KLRG1: variants seen among roughly 807,000 people sequenced by gnomAD.
KLRG1 encodes the protein killer cell lectin-like receptor subfamily G member 1.
KLRG1 carries 16 observed loss-of-function variants against 21.8 expected under a neutral mutation model. The ratio of observed to expected loss-of-function variants is 0.73; its 90% CI spans 0.50 to 1.11. The LOEUF is 1.11. KLRG1 is among the 50% of genes most tolerant of loss of function. The pLI is 0.00. For missense variants in KLRG1, 173 were observed against 218.3 expected (o/e 0.79, Z 1.31); for synonymous variants, 69 against 75.9 (o/e 0.91, Z 0.47).
the KLRG1 span, chr12:9,208,414 C>G: frequency 8.0e-7 from 1 of 1,257,174 alleles, no homozygotes; most frequent in African/African-American, 1.5e-5. Flanking sequence ...GCTGAGTTTA[C>G]CAGGCTTTAT....
the KLRG1 span, among the ~76,000 whole-genome samples, chr12:9,061,899 G>A: frequency 6.6e-6 from 1 of 152,114 alleles, no homozygotes; most frequent in African/African-American, 2.4e-5. Flanking sequence ...AGCTAGTGTT[G>A]GGACACGGAA....
At chr12:9,185,247 C>A in the KLRG1 span, among the ~76,000 whole-genome samples, 2 of 152,178 alleles carry the variant, frequency 1.3e-5, no homozygotes, top group South Asian at 4.2e-4. Flanking sequence ...ACCAACCTGA[C>A]AGAGCTGAAC....
At chr12:9,182,741 A>G in the KLRG1 span, among the ~76,000 whole-genome samples, 1 of 152,256 alleles carries the variant, frequency 6.6e-6, no homozygotes, top group Non-Finnish European at 1.5e-5. Flanking sequence ...ACAAAAGGGC[A>G]ACAACAAAAG....
chr12:9,189,600 G>A, the KLRG1 span, among the ~76,000 whole-genome samples: 1 of 152,152 alleles, frequency 6.6e-6, no homozygotes. Context: ...TCATGAAGAA[G>A]ACACTAAAAA....
At chr12:9,089,286 G>A in the KLRG1 span, 1 of 1,459,388 alleles carries the variant, frequency 6.9e-7, no homozygotes, top group Non-Finnish European at 9.5e-7. Flanking sequence ...AGTGAGAATG[G>A]ACTGACCTTC....
chr12:8,977,564 A>T (rs1260768648), intron 1 of KLRG1, among the ~76,000 whole-genome samples: 1 of 151,766 alleles, frequency 6.6e-6, no homozygotes, highest in South Asian at 2.1e-4. Flanking sequence ...TTGATTGGGG[A>T]TTTTATTTAC....
the KLRG1 span, among the ~76,000 whole-genome samples, chr12:9,212,437 T>G: frequency 6.6e-6 from 1 of 152,228 alleles, no homozygotes; most frequent in African/African-American, 2.4e-5. Flanking sequence ...ATTCACTGTA[T>G]AAGAAAGAAA....
At chr12:9,146,914 T>C in the KLRG1 span, among the ~76,000 whole-genome samples, 1 of 5,430 alleles carries the variant, frequency 1.8e-4, no homozygotes, top group Non-Finnish European at 6.7e-3. Context: ...GATGCAAAGA[T>C]CAACTCTTTT....
chr12:9,200,985 G>C, the KLRG1 span: 2 of 1,613,996 alleles, frequency 1.2e-6, no homozygotes. Context: ...TCTGATGAGA[G>C]GGGAAAGGAC....
At chr12:9,096,877 T>A in the KLRG1 span, among the ~76,000 whole-genome samples, 5 of 152,164 alleles carry the variant, frequency 3.3e-5, no homozygotes, top group African/African-American at 1.2e-4. Context: ...CACTGCTTGA[T>A]CTCTACTAGC....
At chr12:9,106,713 A>G in the KLRG1 span, 1 of 529,320 alleles carries the variant, frequency 1.9e-6, no homozygotes, top group Admixed American at 3.2e-5. Context: ...TCATGTAGGC[A>G]TTTTCTATGA....
the KLRG1 span, among the ~76,000 whole-genome samples, chr12:9,119,478 G>A: frequency 6.6e-6 from 1 of 152,192 alleles, no homozygotes; most frequent in Admixed American, 6.5e-5. Context: ...GTGCCGGTGT[G>A]GGGCAGAAGC....
chr12:9,194,270 G>T, the KLRG1 span: 1 of 1,605,852 alleles, frequency 6.2e-7, no homozygotes, highest in African/African-American at 1.3e-5. Flanking sequence ...TAGTTGATGT[G>T]AACAACACCC....
At chr12:9,201,496 AATT>A in the KLRG1 span, 2 of 597,392 alleles carry the variant, frequency 3.3e-6, no homozygotes, top group Admixed American at 3.0e-5. Flanking sequence ...ATCTCAGGGA[AATT>A]ATTAAATAGT....
the KLRG1 span, among the ~76,000 whole-genome samples, chr12:9,145,837 G>T: frequency 1.3e-5 from 2 of 152,120 alleles, no homozygotes; most frequent in African/African-American, 4.8e-5. Flanking sequence ...TAGCAGGTTT[G>T]TATTATTTTA....
upstream of KLRG1, among the ~76,000 whole-genome samples, chr12:8,984,916 T>A (rs1197147031): frequency 6.6e-6 from 1 of 152,234 alleles, no homozygotes; most frequent in Non-Finnish European, 1.5e-5. Flanking sequence ...GGGAATAATT[T>A]CAGATTTACA....
chr12:9,012,611 C>T (rs140262123), downstream of KLRG1, among the ~76,000 whole-genome samples: 25 of 151,792 alleles, frequency 1.6e-4, no homozygotes, highest in South Asian at 6.2e-4. Context: ...GGAGTTTGGA[C>T]ATAGATAAGG....
chr12:8,983,701 C>T (rs1423310434), intron 1 of KLRG1, among the ~76,000 whole-genome samples: 2 of 152,034 alleles, frequency 1.3e-5, no homozygotes, highest in African/African-American at 2.4e-5. Context: ...GTGCCTGGCC[C>T]ATTTTACCAT....
the KLRG1 span, among the ~76,000 whole-genome samples, chr12:9,199,361 A>G: frequency 6.6e-6 from 1 of 152,190 alleles, no homozygotes; most frequent in East Asian, 1.9e-4. Context: ...CAGGATTAGT[A>G]TTTATGGTAT....
Sources: gnomAD v4.1 joint callset for allele counts (sites outside exome capture counted in the v4.1 genomes callset) on GRCh38, gnomAD v4.1.1 for gene constraint, MANE v1.5 for transcripts, NCBI Gene and HGNC (gene_info 2026-07-23, HGNC 2026-07-21) for gene names.